The following C12orf50 variants were observed in gnomAD, a reference collection of about 807,000 sequenced individuals.
C12orf50 encodes uncharacterized protein C12orf50.
In C12orf50, 35 loss-of-function variants were observed where a neutral mutation model predicts 61.6. That is an observed-to-expected ratio of 0.57 (90% CI 0.43 to 0.75). The LOEUF is 0.75. Among genes scored for constraint, C12orf50 ranks in the 30% least tolerant of loss-of-function variants. The pLI is 0.00. For synonymous variants in C12orf50, 178 were observed against 161.5 expected, an observed-to-expected ratio of 1.10 and a Z score of -0.77; for missense variants, 475 against 488.5, an observed-to-expected ratio of 0.97 and a Z score of 0.26.
At chr12:88,004,253 T>A (rs2031767469) in intron 3 of C12orf50, among the ~76,000 whole-genome samples, 1 of 152,160 alleles carries the variant, frequency 6.6e-6, no homozygotes, top group African/African-American at 2.4e-5. Context: ...ATGAACACTT[T>A]TCAAAAGAAG....
chr12:87,985,882 G>A lies in C12orf50; in HGVS notation c.1094C>T (p.Ala365Val). ...GAGGTTGGGTTTGGGTTCCCTGTTA[G>A]CATGGACTTTATTGTAGGACCCATG... ...PTHGSYNKVH[A>V]NREPKPNLSP... Residue 365 changes from alanine (A) to valine (V), a missense_variant, in exon 11 of 13, where the codon GCT (alanine) becomes GTT (valine). Ala to Val is a moderately conservative substitution (Grantham distance 64, BLOSUM62 0). Transcript: ENST00000298699. The A allele has an allele frequency of 6.2e-7, 1 of 1,613,334 alleles. No individual in the cohort carries two copies. The highest frequency in any genetic ancestry group is 8.5e-7 in the Non-Finnish European group (1 of 1,179,842).
rs755861540 is a variant in C12orf50, at chr12:88,027,058, G to A, written c.-96C>T. The A allele has an allele frequency of 1.6e-5, 26 of 1,609,358 alleles. No individual in the cohort carries two copies. The highest frequency in any genetic ancestry group is 9.4e-5 in the African/African-American group (7 of 74,668). On this transcript the variant is annotated 5_prime_UTR_variant, in exon 2 of 13. Transcript: ENST00000298699. ...AGGGCCTCTTCACAGTGTCGGAATC[G>A]GCACTGGGAACCCTAAAAGAAAAAG...
chr12:88,028,843 G>A (rs1208643505), intron 1 of C12orf50, among the ~76,000 whole-genome samples: 1 of 151,894 alleles, frequency 6.6e-6, no homozygotes, highest in Non-Finnish European at 1.5e-5. Context: ...TATATATAAG[G>A]GTAGTTTCAA....
intron 3 of C12orf50, among the ~76,000 whole-genome samples, chr12:88,008,216 A>C (rs950568136): frequency 5.9e-5 from 9 of 152,124 alleles, no homozygotes; most frequent in African/African-American, 1.7e-4. Context: ...TCCCTCCTCC[A>C]ACCCTCTACC....
chr12:88,000,921 G>A, intron 3 of C12orf50, among the ~76,000 whole-genome samples: 1 of 151,640 alleles, frequency 6.6e-6, no homozygotes, highest in Middle Eastern at 3.4e-3. Context: ...ATAATTTTTA[G>A]ATTTCTAGAA....
chr12:87,982,245 A>C (rs2030520166), intron 12 of C12orf50, among the ~76,000 whole-genome samples: 1 of 152,166 alleles, frequency 6.6e-6, no homozygotes, highest in Admixed American at 6.6e-5. Context: ...TCACATGTGA[A>C]AATTCACACA....
chr12:87,984,274 T>A (rs2030684042), intron 11 of C12orf50: 1 of 152,224 alleles, frequency 6.6e-6, no homozygotes, highest in South Asian at 2.1e-4. Context: ...GAGTTCACTG[T>A]AGATTCTGGA....
chr12:88,018,396 G>A (rs191141980), intron 3 of C12orf50, among the ~76,000 whole-genome samples: 18 of 152,364 alleles, frequency 1.2e-4, no homozygotes, highest in African/African-American at 3.6e-4. Flanking sequence ...TTCAGAGGGC[G>A]TGTGGAAATG....
chr12:88,000,382 T>C (rs1347639042), intron 3 of C12orf50, among the ~76,000 whole-genome samples: 1 of 152,090 alleles, frequency 6.6e-6, no homozygotes, highest in Non-Finnish European at 1.5e-5. Context: ...CAATCCTGTC[T>C]CAATGACATA....
chr12:88,006,921 C>T (rs914223298), intron 3 of C12orf50, among the ~76,000 whole-genome samples: 2 of 152,102 alleles, frequency 1.3e-5, no homozygotes, highest in African/African-American at 4.8e-5. Context: ...AACTGACTTG[C>T]CATTTTTACT....
chr12:88,008,779 C>T (rs1318130507), intron 3 of C12orf50, among the ~76,000 whole-genome samples: 2 of 152,088 alleles, frequency 1.3e-5, no homozygotes, highest in East Asian at 3.9e-4. Flanking sequence ...TTCCCCATAC[C>T]CACAATAGGT....
chr12:88,021,185 G>T (rs919008045), intron 3 of C12orf50, among the ~76,000 whole-genome samples: 7 of 151,894 alleles, frequency 4.6e-5, no homozygotes, highest in African/African-American at 1.7e-4. Flanking sequence ...CCAAAATTAG[G>T]GCTGAACTGA....
At chr12:87,986,226 T>A (rs1170692905) in intron 10 of C12orf50, 86 bp downstream of exon 10, 1 of 1,239,818 alleles carries the variant, frequency 8.1e-7, no homozygotes, top group Non-Finnish European at 1.1e-6. Flanking sequence ...CACATGACAG[T>A]AATTTGTTTT....
chr12:87,990,058 T>G (rs1394057866), intron 7 of C12orf50, among the ~76,000 whole-genome samples: 1 of 152,152 alleles, frequency 6.6e-6, no homozygotes, highest in Non-Finnish European at 1.5e-5. Flanking sequence ...CACGCCTAAA[T>G]TGTTGTAAAA....
Position 87,983,113 on chromosome 12 carries a change from C to T in C12orf50, c.1209G>A (p.Lys403=). ...CTTATAAATAGTTACCTGGATATATCTTTTCACTTTTTGAATATGTTTTTG... is the reference window on the plus strand; with the variant it reads ...CTTATAAATAGTTACCTGGATATATTTTTTCACTTTTTGAATATGTTTTTG... The part of the protein sequence containing the change: ...PFSKTYSKSE[K]IYPEPRRNGS... The change falls in exon 12 of 13, where the codon AAG becomes AAA. Residue 403 remains lysine, a synonymous_variant. Transcript: ENST00000298699. 1 of 1,578,812 alleles carries T rather than the reference C, an allele frequency of 6.3e-7. No homozygotes were observed. The highest frequency in any genetic ancestry group is 2.3e-5 in the East Asian group (1 of 44,414).
At chr12:88,016,850 A>C (rs1355764840) in intron 3 of C12orf50, among the ~76,000 whole-genome samples, 1 of 152,202 alleles carries the variant, frequency 6.6e-6, no homozygotes, top group Non-Finnish European at 1.5e-5. Context: ...AATCATAGGG[A>C]GTATGGCAAT....
chr12:88,000,510 T>A (rs957353710), intron 3 of C12orf50, among the ~76,000 whole-genome samples: 4 of 151,952 alleles, frequency 2.6e-5, no homozygotes, highest in African/African-American at 7.2e-5. Context: ...TTCCTGATTT[T>A]TTTTCACTAT....
intron 3 of C12orf50, among the ~76,000 whole-genome samples, chr12:88,026,109 T>C (rs1206487205): frequency 2.0e-5 from 3 of 152,158 alleles, no homozygotes; most frequent in African/African-American, 4.8e-5. Context: ...ACCTACGAGA[T>C]AGCTTTCCGC....
At chr12:88,011,374 A>G (rs1433906546) in intron 3 of C12orf50, among the ~76,000 whole-genome samples, 1 of 152,172 alleles carries the variant, frequency 6.6e-6, no homozygotes, top group African/African-American at 2.4e-5. Context: ...CTTTAGTTGC[A>G]GAAGGACTTA....
Sources: allele counts gnomAD v4.1 joint callset (sites outside exome capture counted in the v4.1 genomes callset), GRCh38; gene constraint gnomAD v4.1.1; transcripts MANE v1.5; gene names NCBI Gene and HGNC (gene_info 2026-07-23, HGNC 2026-07-21).